The following AFG3L2 variants were observed in gnomAD, a reference collection of about 807,000 sequenced individuals.
The protein encoded by AFG3L2 is AFG3 like matrix AAA peptidase subunit 2, also known as mitochondrial inner membrane m-AAA protease component AFG3L2.
AFG3L2 carries 54 observed loss-of-function variants against 94.5 expected under a neutral mutation model. That is an observed-to-expected ratio of 0.57 (90% confidence interval 0.46 to 0.72). AFG3L2 has a LOEUF of 0.72. Among genes scored for constraint, AFG3L2 ranks in the 30% least tolerant of loss-of-function variants. The pLI is 0.00. For missense variants in AFG3L2, 754 were observed against 994.9 expected (o/e 0.76, Z 3.26); for synonymous variants, 377 against 365.5 (o/e 1.03, Z -0.36).
At chr18:12,330,326 A>AAAAC (rs1357780611) in intron 16 of AFG3L2, among the ~76,000 whole-genome samples, 1 of 87,872 alleles carries the variant, frequency 1.1e-5, no homozygotes. Context: ...ACTCCTTCTC[A>AAAAC]AAACAAACAA....
Position 12,329,244 on chromosome 18 carries a change from C to G in AFG3L2, c.*321G>C. 1 of 702,098 alleles carries G rather than the reference C, an allele frequency of 1.4e-6. No individual in the cohort carries two copies. The allele number at this position is 702,098 out of a possible 1,614,324, so 43.5% of individuals were successfully genotyped here. ...ACGCCAAGAGTCCAGTGCAACGATC[C>G]CTGCCACACGGTCAGCCGACCCCAC... On this transcript the variant is annotated 3_prime_UTR_variant, in exon 17 of 17. Transcript: ENST00000269143.
At chr18:12,356,939 T>A (rs1908515467) in intron 8 of AFG3L2, 108 bp from the exon 9 acceptor site, 7 of 1,066,972 alleles carry the variant, frequency 6.6e-6, no homozygotes, top group Non-Finnish European at 9.6e-6. Flanking sequence ...CTTATTGATA[T>A]ATATTAAATA....
rs542388846 is a variant in AFG3L2 at position 12,344,901 on chromosome 18, AG to A, written c.1664-655del. The stretch of plus-strand genomic sequence containing the variant: ...AAATGTAAAATAAAATTCAGCATTA[AG>A]GTCATTTTAAAACACGCAAAATTAC... On this transcript the variant is annotated intron_variant, in intron 13 of 16. Coordinates refer to ENST00000269143, the MANE Select transcript of AFG3L2 (RefSeq NM_006796.3). Among the ~76,000 whole-genome samples the A allele has an allele frequency of 4.6e-5, 7 of 152,340 alleles. No individual in the cohort carries two copies. The East Asian group carries it at 1.2e-3, about 25-fold the overall frequency.
At chr18:12,333,110 T>C (rs1907619885) in intron 16 of AFG3L2, among the ~76,000 whole-genome samples, 1 of 61,308 alleles carries the variant, frequency 1.6e-5, no homozygotes, top group South Asian at 4.1e-4. Flanking sequence ...ATTATATAAC[T>C]ATTATATAAT....
chr18:12,343,990 A>G (rs1908038590), intron 14 of AFG3L2, 142 bp downstream of exon 14: 3 of 732,604 alleles, frequency 4.1e-6, no homozygotes, highest in African/African-American at 1.7e-5. Context: ...TTGTGCAACT[A>G]TGGTTACCAG....
At chr18:12,375,930 G>C (rs1455405551) in intron 1 of AFG3L2, among the ~76,000 whole-genome samples, 1 of 152,132 alleles carries the variant, frequency 6.6e-6, no homozygotes, top group Admixed American at 6.5e-5. Flanking sequence ...GCAGTGAGCT[G>C]TGTTTGCGCC....
chr18:12,329,803 C>T lies in AFG3L2; in HGVS notation c.2176-20G>A, dbSNP rs551654812. ...AGCAACCTGAAATATGAACAATTTTCATTAAATACAGTTACTCAGCAAAGT... is the reference window on the plus strand; with the variant it reads ...AGCAACCTGAAATATGAACAATTTTTATTAAATACAGTTACTCAGCAAAGT... On this transcript the variant is annotated intron_variant, in intron 16 of 16. Coordinates refer to ENST00000269143, the MANE Select transcript of AFG3L2 (RefSeq NM_006796.3). The T allele has an allele frequency of 6.3e-7, 1 of 1,585,858 alleles. No homozygotes were observed.
chr18:12,366,598 C>T (rs898941266), intron 5 of AFG3L2, among the ~76,000 whole-genome samples: 5 of 151,718 alleles, frequency 3.3e-5, no homozygotes, highest in Admixed American at 6.6e-5. Flanking sequence ...CAGGGGCAGA[C>T]GCTGGCACAT....
At chr18:12,345,458 A>G (rs1209568618) in intron 13 of AFG3L2, among the ~76,000 whole-genome samples, 2 of 152,266 alleles carry the variant, frequency 1.3e-5, no homozygotes, top group African/African-American at 2.4e-5. Context: ...AGACTGGAAG[A>G]CAAAAACAAA....
At chr18:12,372,956 G>A (rs1568147851) in intron 1 of AFG3L2, among the ~76,000 whole-genome samples, 2 of 152,202 alleles carry the variant, frequency 1.3e-5, no homozygotes, top group Non-Finnish European at 2.9e-5. Flanking sequence ...TCTGGAATTG[G>A]AGACAGTGAT....
In AFG3L2 at chr18:12,339,709, C is replaced by T. The variant is rs1162132709; in HGVS notation, c.1980+492G>A. ...TAAAAATACAAAAAAATCAGCCAGG[C>T]GTGGTGGTGGGCGCCTGTAACCCCA... On this transcript the variant is annotated intron_variant, in intron 15 of 16. Coordinates refer to ENST00000269143, the MANE Select transcript of AFG3L2 (RefSeq NM_006796.3). 3.3e-5 allele frequency among the ~76,000 whole-genome samples: 5 copies of T among 151,778 alleles called. No homozygotes were observed. In the East Asian group the frequency reaches 5.8e-4, roughly 18 times the overall value.
intron 10 of AFG3L2, 136 bp from the exon 11 acceptor site, chr18:12,351,549 G>GTTT: frequency 1.6e-4 from 98 of 614,594 alleles, no homozygotes; most frequent in Non-Finnish European, 2.0e-4. Flanking sequence ...AGTGTTTTTT[G>GTTT]TTTTTTTTTT....
intron 3 of AFG3L2, among the ~76,000 whole-genome samples, chr18:12,368,757 T>C (rs1908886513): frequency 6.6e-6 from 1 of 152,120 alleles, no homozygotes. Context: ...CACGCCACCA[T>C]GCCCGGCTAA....
intron 13 of AFG3L2, among the ~76,000 whole-genome samples, chr18:12,346,544 G>C (rs1413205359): frequency 6.6e-6 from 1 of 152,106 alleles, no homozygotes; most frequent in Admixed American, 6.5e-5. Flanking sequence ...AGTGATGACT[G>C]CAAGGTTCTC....
chr18:12,348,148 G>A, intron 13 of AFG3L2, 125 bp downstream of exon 13: 2 of 785,920 alleles, frequency 2.5e-6, no homozygotes, highest in Non-Finnish European at 4.3e-6. Context: ...GAGCACAAAT[G>A]TGGTGGGCCC....
At chr18:12,337,281 T>C in intron 16 of AFG3L2, 60 bp downstream of exon 16, 1 of 1,470,598 alleles carries the variant, frequency 6.8e-7, no homozygotes. Flanking sequence ...ACAGTCTATC[T>C]ATCACTTCAA....
rs1421018242 is a variant in AFG3L2 at position 12,360,068 on chromosome 18, AC to A, written c.628-18del. ...AACGTATTGCTATAAAAACAAAAAA[AC>A]AAATATCCTAAGAATGTAGTGAAAC... On this transcript the variant is annotated intron_variant, in intron 6 of 16. Coordinates refer to ENST00000269143, the MANE Select transcript of AFG3L2 (RefSeq NM_006796.3). 3.7e-6 allele frequency: 6 copies of A among 1,612,888 alleles called. No homozygotes were observed. The highest frequency in any genetic ancestry group is 5.1e-6 in the Non-Finnish European group (6 of 1,179,090).
chr18:12,354,158 A>C (rs535262968), intron 9 of AFG3L2, among the ~76,000 whole-genome samples: 1 of 88,808 alleles, frequency 1.1e-5, no homozygotes, highest in East Asian at 3.7e-4. Context: ...TTCACTGGAC[A>C]GAAGTCCAGG....
intron 14 of AFG3L2, chr18:12,342,412 TGAGTTCTAA>T (rs1311692252): frequency 6.6e-6 from 1 of 152,220 alleles, no homozygotes; most frequent in Non-Finnish European, 1.5e-5. Flanking sequence ...TTCTTATTAT[TGAGTTCTAA>T]GAGTTCTTTA....
Sources: gnomAD v4.1 joint callset for allele counts (sites outside exome capture counted in the v4.1 genomes callset) on GRCh38, gnomAD v4.1.1 for gene constraint, MANE v1.5 for transcripts, NCBI Gene and HGNC (gene_info 2026-07-23, HGNC 2026-07-21) for gene names.